SVEP1: variants seen among roughly 807,000 people sequenced by gnomAD.
SVEP1 encodes sushi, von Willebrand factor type A, EGF and pentraxin domain-containing protein 1.
SVEP1 carries 164 observed loss-of-function variants against 367.3 expected under a neutral mutation model. That is an observed-to-expected ratio of 0.45 (90% CI 0.39 to 0.51). The LOEUF (loss-of-function observed/expected upper bound fraction) is 0.51. Among genes scored for constraint, SVEP1 ranks in the 20% least tolerant of loss-of-function variants. The pLI is 0.00. For missense variants in SVEP1, 4,117 were observed against 4,425.3 expected, an observed-to-expected ratio of 0.93 and a Z score of 1.98; for synonymous variants, 1,666 against 1,611.6, an observed-to-expected ratio of 1.03 and a Z score of -0.81.
chr9:110,501,950 G>T (rs1227103557), intron 6 of SVEP1, among the ~76,000 whole-genome samples: 6 of 151,842 alleles, frequency 4.0e-5, no homozygotes, highest in Non-Finnish European at 7.4e-5. Flanking sequence ...TGCTTTTACA[G>T]CTTTTACAGA....
chr9:110,459,085 A>G lies in SVEP1; in HGVS notation c.3351T>C (p.Arg1117=), dbSNP rs1564148835. ...GVPCPEGKFS[R]SGLMPCHPCP... is the part of the protein sequence containing the mutation. ...ATGGGTGACAGGGCATTAACCCAGA[A>G]CGCGAGAATTTTCCTTCTGGACAAG... Residue 1117 remains arginine, a synonymous_variant, in exon 19 of 48, where the codon CGT becomes CGC. Coordinates refer to ENST00000374469, the MANE Select transcript of SVEP1 (RefSeq NM_153366.4). 5.6e-6 allele frequency: 9 copies of G among 1,613,602 alleles called. No individual in the cohort carries two copies. Among genetic ancestry groups the G allele is most frequent in the Non-Finnish European group, 7.6e-6 (9 of 1,179,704 alleles).
chr9:110,571,856 A>C (rs944472967), intron 1 of SVEP1, among the ~76,000 whole-genome samples: 18 of 152,340 alleles, frequency 1.2e-4, no homozygotes, highest in African/African-American at 4.1e-4. Context: ...CAATTTGCTA[A>C]GAGTAAGCCA....
chr9:110,372,022 ATG>A (rs1331926730), intron 46 of SVEP1, among the ~76,000 whole-genome samples: 2 of 152,104 alleles, frequency 1.3e-5, no homozygotes, highest in African/African-American at 4.8e-5. Context: ...TTCGCATGTG[ATG>A]TGTTTCCTGA....
At chr9:110,529,816 TA>T (rs1829995213) in intron 3 of SVEP1, among the ~76,000 whole-genome samples, 1 of 152,060 alleles carries the variant, frequency 6.6e-6, no homozygotes, top group Non-Finnish European at 1.5e-5. Context: ...TCAGCAGAGT[TA>T]GTTTGACTTT....
chr9:110,463,562 CA>C (rs1224367692), intron 18 of SVEP1, among the ~76,000 whole-genome samples: 1 of 122,662 alleles, frequency 8.2e-6, no homozygotes, highest in Non-Finnish European at 1.8e-5. Context: ...AAATCAATAC[CA>C]AAAGAGAAAA....
chr9:110,481,301 C>T lies in SVEP1; in HGVS notation c.2306G>A (p.Cys769Tyr), dbSNP rs370195935. 7 of 1,610,774 alleles carry T rather than the reference C, an allele frequency of 4.3e-6. No individual in the cohort carries two copies. The African/African-American group carries it at 9.4e-5, about 22-fold the overall frequency. Residue 769 changes from cysteine to tyrosine, a missense_variant, in exon 12 of 48, where the codon TGT (cysteine) becomes TAT (tyrosine). By Grantham distance (194) the Cys-to-Tyr change is radical (BLOSUM62 -2). Coordinates refer to ENST00000374469, the MANE Select transcript of SVEP1 (RefSeq NM_153366.4). ...TTTCCAGACGCCATCTTCATAAGCACAATAATACTTGTCAGTAGACCCTTC... is the reference window on the plus strand; with the variant it reads ...TTTCCAGACGCCATCTTCATAAGCATAATAATACTTGTCAGTAGACCCTTC... ...FTEGSTDKYY[C>Y]AYEDGVWKPT... is the part of the protein sequence containing the mutation.
At chr9:110,367,253 G>A (rs1827214504) in intron 47 of SVEP1, among the ~76,000 whole-genome samples, 1 of 152,160 alleles carries the variant, frequency 6.6e-6, no homozygotes, top group Non-Finnish European at 1.5e-5. Context: ...TCTGCCTCCT[G>A]GGTTCAAGCA....
At chr9:110,423,730 A>G (rs555826925) in intron 36 of SVEP1, among the ~76,000 whole-genome samples, 7 of 152,232 alleles carry the variant, frequency 4.6e-5, no homozygotes, top group Non-Finnish European at 8.8e-5. Flanking sequence ...ACAGATAAGC[A>G]GAATATCTTT....
At chr9:110,483,071 C>G (rs201870422) in intron 10 of SVEP1, among the ~76,000 whole-genome samples, 2 of 152,096 alleles carry the variant, frequency 1.3e-5, no homozygotes, top group East Asian at 3.8e-4. Context: ...AAGTCTGCTA[C>G]GACATTGGGA....
At chr9:110,536,881 T>C (rs981978381) in intron 3 of SVEP1, among the ~76,000 whole-genome samples, 1 of 151,912 alleles carries the variant, frequency 6.6e-6, no homozygotes, top group Non-Finnish European at 1.5e-5. Context: ...TTACAGCATA[T>C]CTCCAGAACT....
Position 110,550,010 on chromosome 9 carries a change from G to A in SVEP1, c.626C>T (p.Ala209Val), listed in dbSNP as rs376825059. ...CTCCACTCCTGAATCTCGCAGTGAC[G>A]CTGCAATTGGTCTAGGGTCTCCCCC... The part of the protein sequence containing the change: ...SNGGDPRPIA[A>V]SLRDSGVEIF... Residue 209 changes from alanine to valine, a missense_variant, in exon 2 of 48, where the codon GCG becomes GTG. Transcript: ENST00000374469. The A allele has an allele frequency of 4.0e-5, 64 of 1,613,626 alleles. No individual in the cohort carries two copies. The highest frequency in any genetic ancestry group is 1.6e-4 in the Middle Eastern group (1 of 6,084).
rs1048417782 is a variant in SVEP1, at chr9:110,365,728, T to A, written c.*811A>T. 4.6e-5 allele frequency: 7 copies of A among 152,228 alleles called. No individual in the cohort carries two copies. Among genetic ancestry groups the A allele is most frequent in the Non-Finnish European group, 8.8e-5 (6 of 68,076 alleles). 9.4% of individuals were successfully genotyped at this position (152,228 alleles called of 1,614,324 possible). A position where few individuals can be genotyped will look rare whatever the true frequency, so the allele number is the denominator to read the frequency against. On this transcript the variant is annotated 3_prime_UTR_variant, in exon 48 of 48. Coordinates refer to ENST00000374469, the MANE Select transcript of SVEP1 (RefSeq NM_153366.4). ...TCCTTCTCTTTCCCTGTCTTCCCCT[T>A]CCTCCCAAAATAGTGAGTTGTGGGA...
At chr9:110,471,034 C>G (rs1396484705) in intron 16 of SVEP1, among the ~76,000 whole-genome samples, 2 of 151,996 alleles carry the variant, frequency 1.3e-5, no homozygotes, top group Non-Finnish European at 2.9e-5. Context: ...CACAGAGGTG[C>G]TAAACAGGAT....
chr9:110,406,308 C>T lies in SVEP1; in HGVS notation c.9292G>A (p.Gly3098Ser). The T allele has an allele frequency of 1.9e-6, 3 of 1,614,038 alleles. No individual in the cohort carries two copies. Among genetic ancestry groups the T allele is most frequent in the Non-Finnish European group, 2.5e-6 (3 of 1,179,904 alleles). Reference protein sequence around the residue: ...YSCRSGYVIQGSSDLICTEKG... With the variant: ...YSCRSGYVIQSSSDLICTEKG... ...TCTGTACAAATCAGATCTGAACTGC[C>T]TTGTATGACATATCCAGACCTGCAG... The change falls in exon 38 of 48, where the codon GGC becomes AGC. Residue 3098 changes from glycine (G) to serine (S), a missense_variant. Gly to Ser is a moderately conservative substitution (Grantham distance 56, BLOSUM62 0). This residue lies in a region of SVEP1 where 1,765 missense variants were observed against 1,781.1 expected (regional missense o/e 0.99). Coordinates refer to ENST00000374469, the MANE Select transcript of SVEP1 (RefSeq NM_153366.4).
At chr9:110,554,941 T>A (rs948768107) in intron 1 of SVEP1, among the ~76,000 whole-genome samples, 2 of 152,202 alleles carry the variant, frequency 1.3e-5, no homozygotes, top group African/African-American at 4.8e-5. Context: ...AGACATTATT[T>A]GTCTTTAAAA....
At chr9:110,392,151 A>ATATATC (rs1308038317) in intron 40 of SVEP1, among the ~76,000 whole-genome samples, 20 of 146,008 alleles carry the variant, frequency 1.4e-4, no homozygotes, top group African/African-American at 5.4e-4. Flanking sequence ...ATATATATAT[A>ATATATC]TATCTCTTCT....
chr9:110,493,740 A>C (rs1000169057), intron 8 of SVEP1, among the ~76,000 whole-genome samples: 2 of 152,108 alleles, frequency 1.3e-5, no homozygotes, highest in Non-Finnish European at 2.9e-5. Context: ...CAAACAAACA[A>C]ACAATCAAAA....
chr9:110,504,597 C>T (rs1266529975), intron 5 of SVEP1, among the ~76,000 whole-genome samples: 3 of 152,226 alleles, frequency 2.0e-5, no homozygotes, highest in African/African-American at 4.8e-5. Flanking sequence ...TTACCTACTT[C>T]TGTCCTTGTT....
intron 1 of SVEP1, among the ~76,000 whole-genome samples, chr9:110,562,458 C>T (rs1262228460): frequency 6.6e-6 from 1 of 152,116 alleles, no homozygotes; most frequent in Non-Finnish European, 1.5e-5. Flanking sequence ...AAATTATTCA[C>T]ATGCTAATGT....
Sources: gnomAD v4.1 joint callset for allele counts (sites outside exome capture counted in the v4.1 genomes callset) on GRCh38, gnomAD v4.1.1 for gene constraint, gnomAD v4.1.1 regional missense constraint, MANE v1.5 for transcripts, NCBI Gene and HGNC (gene_info 2026-07-23, HGNC 2026-07-21) for gene names.